EIF4E3: variants seen among roughly 807,000 people sequenced by gnomAD.
The protein encoded by EIF4E3 is eukaryotic translation initiation factor 4E type 3.
Under a neutral mutation model 31.7 loss-of-function variants are expected in EIF4E3, and 26 were observed. That is an observed-to-expected ratio of 0.82 (90% confidence interval 0.60 to 1.14). The LOEUF (loss-of-function observed/expected upper bound fraction) is 1.14. EIF4E3 is among the 50% of genes most tolerant of loss of function. The probability of loss-of-function intolerance (pLI) is 0.00; values close to 1 mark genes in which losing one functional copy is unlikely to be tolerated. For missense variants in EIF4E3, 304 were observed against 270.9 expected, an observed-to-expected ratio of 1.12 and a Z score of -0.86; for synonymous variants, 128 against 107.7, an observed-to-expected ratio of 1.19 and a Z score of -1.17.
At chr3:71,685,109 C>A (rs181852822) in intron 6 of EIF4E3, among the ~76,000 whole-genome samples, 1 of 151,806 alleles carries the variant, frequency 6.6e-6, no homozygotes, top group African/African-American at 2.4e-5. Flanking sequence ...CTGACACAAC[C>A]CAAGACAGAG....
At chr3:71,702,315 C>T (rs1366179800) in intron 2 of EIF4E3, among the ~76,000 whole-genome samples, 1 of 152,122 alleles carries the variant, frequency 6.6e-6, no homozygotes, top group Non-Finnish European at 1.5e-5. Context: ...AAGAGGAAAA[C>T]CCCTGCCTAA....
intron 1 of EIF4E3, among the ~76,000 whole-genome samples, chr3:71,717,047 C>G (rs111548168): frequency 0.018 from 2,796 of 152,334 alleles, 87 homozygotes; most frequent in African/African-American, 0.059. Flanking sequence ...TATCTTTTAT[C>G]AGACCACAGC....
In EIF4E3 at chr3:71,725,150, C is replaced by T. The variant is rs1323783036; in HGVS notation, c.176+42G>A. 7.7e-6 allele frequency: 8 copies of T among 1,044,896 alleles called. No homozygotes were observed. The highest frequency in any genetic ancestry group is 1.6e-4 in the East Asian group (2 of 12,300). 64.7% of individuals were successfully genotyped at this position (1,044,896 alleles called of 1,614,324 possible). On this transcript the variant is annotated intron_variant, in intron 1 of 6. Coordinates refer to ENST00000425534, the MANE Select transcript of EIF4E3 (RefSeq NM_001134651.2). The surrounding 1 kb of genome is among the most constrained non-coding windows in gnomAD (Gnocchi z 6.1). ...AGACAAAGCGGCGGTGGCGGCAGGA[C>T]CCGGGTCGGGGCCGTGCGCGGCGGG...
At chr3:71,694,710 A>G (rs1307375202) in intron 4 of EIF4E3, among the ~76,000 whole-genome samples, 1 of 152,212 alleles carries the variant, frequency 6.6e-6, no homozygotes, top group African/African-American at 2.4e-5. Context: ...ACTAGGTTTG[A>G]ATCCTTAGAG....
At position 71,680,521 on chromosome 3, in the gene EIF4E3, G is replaced by C. The variant is rs895502131; in HGVS notation, c.*4161C>G. On this transcript the variant is annotated 3_prime_UTR_variant, in exon 7 of 7. Transcript: ENST00000425534. ...AAGAATTTCTAGAACACAAGACAGTGACTTTTGGCCTGAGTGGGCCAATCT... is the reference window on the plus strand; with the variant it reads ...AAGAATTTCTAGAACACAAGACAGTCACTTTTGGCCTGAGTGGGCCAATCT... 4 of 152,196 alleles carry C rather than the reference G, an allele frequency of 2.6e-5. No individual in the cohort carries two copies. The highest frequency in any genetic ancestry group is 9.6e-5 in the African/African-American group (4 of 41,454). The allele number at this position is 152,196 out of a possible 1,614,324, so 9.4% of individuals were successfully genotyped here.
intron 1 of EIF4E3, among the ~76,000 whole-genome samples, chr3:71,748,579 T>C (rs1578394342): frequency 6.6e-6 from 1 of 152,128 alleles, no homozygotes; most frequent in Admixed American, 6.5e-5. Flanking sequence ...TAATATCAAA[T>C]GCATCCTCAG....
intron 2 of EIF4E3, among the ~76,000 whole-genome samples, chr3:71,701,029 G>A (rs58092876): frequency 0.34 from 51,339 of 151,900 alleles, 8,909 homozygotes; most frequent in Middle Eastern, 0.47. Flanking sequence ...ATGTACAAAC[G>A]AGGAAGAGGG....
intron 1 of EIF4E3, among the ~76,000 whole-genome samples, chr3:71,720,029 T>A (rs2049522928): frequency 6.6e-6 from 1 of 151,406 alleles, no homozygotes; most frequent in Admixed American, 6.6e-5. Flanking sequence ...ATATATATAT[T>A]CATATCTTAT....
At chr3:71,740,141 A>C (rs1241640617) in intron 1 of EIF4E3, among the ~76,000 whole-genome samples, 2 of 152,012 alleles carry the variant, frequency 1.3e-5, no homozygotes, top group African/African-American at 4.8e-5. Flanking sequence ...AATAATATTT[A>C]ATTAATCTAA....
upstream of EIF4E3, chr3:71,754,167 G>A (rs1312150460): frequency 1.4e-6 from 2 of 1,456,406 alleles, no homozygotes; most frequent in Non-Finnish European, 9.1e-7. The surrounding 1 kb of genome is among the most constrained non-coding windows in gnomAD (Gnocchi z 5.8). Context: ...CGTGCTGTTC[G>A]CGCTGCTGAT....
intron 2 of EIF4E3, among the ~76,000 whole-genome samples, chr3:71,706,430 C>T (rs527402839): frequency 3.9e-5 from 6 of 152,308 alleles, no homozygotes; most frequent in African/African-American, 1.4e-4. Flanking sequence ...ATTAATATCA[C>T]ATGATTTTTA....
At chr3:71,744,643 G>C (rs1328418126) in intron 1 of EIF4E3, among the ~76,000 whole-genome samples, 4 of 152,170 alleles carry the variant, frequency 2.6e-5, no homozygotes, top group African/African-American at 7.2e-5. Context: ...TACTCAGGTG[G>C]CTGAGGCAGA....
At chr3:71,696,547 T>C (rs1173928343) in intron 3 of EIF4E3, 27 bp from the exon 4 acceptor site, 2 of 1,613,728 alleles carry the variant, frequency 1.2e-6, no homozygotes, top group Non-Finnish European at 1.7e-6. Context: ...CGTTTAAAGT[T>C]ACACTCAGGA....
intron 1 of EIF4E3, among the ~76,000 whole-genome samples, chr3:71,730,438 G>C (rs972712278): frequency 3.3e-5 from 5 of 152,200 alleles, no homozygotes; most frequent in African/African-American, 4.8e-5. Context: ...AGCTCAACTA[G>C]TGTTATTTAT....
chr3:71,678,801 C>T lies in EIF4E3; in HGVS notation c.*5881G>A, dbSNP rs1226886557. ...CCTGGTTCAACTTACACAGGTAAGACTATTCTAAAGAATTAATAACTTTCA... is the reference window on the plus strand; with the variant it reads ...CCTGGTTCAACTTACACAGGTAAGATTATTCTAAAGAATTAATAACTTTCA... On this transcript the variant is annotated 3_prime_UTR_variant, in exon 7 of 7. Transcript: ENST00000425534. 6.6e-6 allele frequency: 1 copy of T among 152,130 alleles called. No individual in the cohort carries two copies. The highest frequency in any genetic ancestry group is 1.5e-5 in the Non-Finnish European group (1 of 68,012). The allele number at this position is 152,130 out of a possible 1,614,324, so 9.4% of individuals were successfully genotyped here. A position where few individuals can be genotyped will look rare whatever the true frequency, so the allele number is the denominator to read the frequency against.
intron 4 of EIF4E3, among the ~76,000 whole-genome samples, chr3:71,694,876 G>A (rs1035188728): frequency 2.0e-5 from 3 of 152,306 alleles, no homozygotes; most frequent in Middle Eastern, 3.4e-3. Context: ...TACAATGACT[G>A]CAATAAAAGG....
chr3:71,684,801 T>A (rs2108007052), intron 6 of EIF4E3, 73 bp from the exon 7 acceptor site: 2 of 1,486,712 alleles, frequency 1.3e-6, no homozygotes, highest in East Asian at 4.8e-5. Flanking sequence ...CCAACCCTCC[T>A]CTAGGCATCT....
In EIF4E3 at chr3:71,684,182, A is replaced by G. The variant is rs973168085; in HGVS notation, c.*500T>C. On this transcript the variant is annotated 3_prime_UTR_variant, in exon 7 of 7. Coordinates refer to ENST00000425534, the MANE Select transcript of EIF4E3 (RefSeq NM_001134651.2). ...AATGCCCAGCTCACAGTACATAGGA[A>G]TGTGTCACAACAAATAATCAGAAGA... 4 of 153,082 alleles carry G rather than the reference A, an allele frequency of 2.6e-5. No individual in the cohort carries two copies. Among genetic ancestry groups the G allele is most frequent in the African/African-American group, 4.8e-5 (2 of 41,460 alleles). The allele number at this position is 153,082 out of a possible 1,614,324, so 9.5% of individuals were successfully genotyped here.
rs1320951233 is a variant in EIF4E3 at position 71,675,490 on chromosome 3, C to T, written c.*9192G>A. 1 of 152,144 alleles carries T rather than the reference C, an allele frequency of 6.6e-6. No homozygotes were observed. The highest frequency in any genetic ancestry group is 1.5e-5 in the Non-Finnish European group (1 of 68,020). 9.4% of individuals were successfully genotyped at this position (152,144 alleles called of 1,614,324 possible). On this transcript the variant is annotated 3_prime_UTR_variant, in exon 7 of 7. Coordinates refer to ENST00000425534, the MANE Select transcript of EIF4E3 (RefSeq NM_001134651.2). ...GTAGATGGTGTGTCCTAGCTATAAACTGGTTTTAAGACAAATCTGCTTACA... is the reference window on the plus strand; with the variant it reads ...GTAGATGGTGTGTCCTAGCTATAAATTGGTTTTAAGACAAATCTGCTTACA...
Sources: gnomAD v4.1 joint callset for allele counts (sites outside exome capture counted in the v4.1 genomes callset) on GRCh38, gnomAD v4.1.1 for gene constraint, Gnocchi (gnomAD v3.1) non-coding constraint, MANE v1.5 for transcripts, NCBI Gene and HGNC (gene_info 2026-07-23, HGNC 2026-07-21) for gene names.